Variants in CLASP1 observed in about 807,000 individuals in gnomAD.
CLASP1 encodes cytoplasmic linker associated protein 1.
Under a neutral mutation model 192.3 loss-of-function variants are expected in CLASP1, and 38 were observed. That is an observed-to-expected ratio of 0.20 (90% confidence interval 0.15 to 0.26). The LOEUF (loss-of-function observed/expected upper bound fraction) is 0.26, where lower values mean the gene tolerates loss of function less well. Ranked by LOEUF, CLASP1 falls within the 10% of genes least tolerant of loss-of-function variation. The pLI, the probability that CLASP1 is intolerant of heterozygous loss-of-function variation, is 1.00. For synonymous variants in CLASP1, 691 were observed against 712.8 expected, an observed-to-expected ratio of 0.97 and a Z score of 0.49; for missense variants, 1,433 against 1,932.5, an observed-to-expected ratio of 0.74 and a Z score of 4.85.
chr2:121,601,714 G>A (rs1038689771), intron 2 of CLASP1, among the ~76,000 whole-genome samples: 16 of 152,280 alleles, frequency 1.1e-4, no homozygotes, highest in Non-Finnish European at 1.9e-4. Context: ...AGGTAAAATT[G>A]TCTCTGTTTG....
At chr2:121,505,890 G>A (rs910620468) in intron 7 of CLASP1, among the ~76,000 whole-genome samples, 2 of 151,974 alleles carry the variant, frequency 1.3e-5, no homozygotes, top group Non-Finnish European at 2.9e-5. Context: ...TTTCCTGGAA[G>A]CAAATACTTA....
At chr2:121,488,209 T>C (rs1381797509) in intron 8 of CLASP1, among the ~76,000 whole-genome samples, 1 of 151,994 alleles carries the variant, frequency 6.6e-6, no homozygotes, top group Non-Finnish European at 1.5e-5. Flanking sequence ...TTTCTTAGAA[T>C]ACCTTTCCAT....
At chr2:121,438,473 G>C (rs550415909) in intron 19 of CLASP1, among the ~76,000 whole-genome samples, 1 of 152,282 alleles carries the variant, frequency 6.6e-6, no homozygotes, top group East Asian at 1.9e-4. Context: ...CCTTGTCAAT[G>C]CTGGCTTAAT....
intron 33 of CLASP1, among the ~76,000 whole-genome samples, chr2:121,381,320 C>G (rs1468235153): frequency 1.4e-4 from 21 of 150,600 alleles, no homozygotes; most frequent in Non-Finnish European, 4.4e-5. Context: ...TTTTTTTAAC[C>G]CTTTTCCTAT....
chr2:121,368,459 T>C lies in CLASP1; in HGVS notation c.3643-628A>G, dbSNP rs182343001. Among the ~76,000 whole-genome samples the C allele has an allele frequency of 4.3e-3, 649 of 152,238 alleles. 3 individuals carry two copies. The highest frequency in any genetic ancestry group is 0.015 in the African/African-American group (617 of 41,528). ...TAGTATTTCCCAAATTTTTTTTTTTTCCCTAGTATATTCTGAATGTTGTCT... is the reference window on the plus strand; with the variant it reads ...TAGTATTTCCCAAATTTTTTTTTTTCCCCTAGTATATTCTGAATGTTGTCT... On this transcript the variant is annotated intron_variant, in intron 34 of 39. Coordinates refer to ENST00000263710, the Ensembl canonical transcript of CLASP1.
chr2:121,476,462 T>A (rs1034434901), intron 8 of CLASP1, among the ~76,000 whole-genome samples: 1 of 152,188 alleles, frequency 6.6e-6, no homozygotes, highest in African/African-American at 2.4e-5. Flanking sequence ...AAGTCTGGTG[T>A]CTGGAACTTG....
At chr2:121,443,886 A>G (rs2083825752) in intron 19 of CLASP1, among the ~76,000 whole-genome samples, 1 of 152,224 alleles carries the variant, frequency 6.6e-6, no homozygotes, top group Non-Finnish European at 1.5e-5. Context: ...CTTGGAAAGT[A>G]ACATACGGAT....
At chr2:121,648,587 C>T (rs190114126) in intron 1 of CLASP1, among the ~76,000 whole-genome samples, 10 of 152,280 alleles carry the variant, frequency 6.6e-5, no homozygotes, top group African/African-American at 2.2e-4. Flanking sequence ...ATACTCATCC[C>T]AGCAGCTCGG....
At chr2:121,461,351 G>A (rs1180848290) in intron 10 of CLASP1, among the ~76,000 whole-genome samples, 158 bp from the exon 11 acceptor site, 1 of 152,028 alleles carries the variant, frequency 6.6e-6, no homozygotes, top group South Asian at 2.1e-4. Flanking sequence ...TCTATAATGA[G>A]GATCTTTCTC....
intron 1 of CLASP1, among the ~76,000 whole-genome samples, chr2:121,640,491 A>G (rs2106327777): frequency 6.6e-6 from 1 of 152,356 alleles, no homozygotes; most frequent in East Asian, 1.9e-4. Context: ...GTTAGATTTC[A>G]TATCAGGAGC....
At chr2:121,619,123 G>A (rs937807606) in intron 1 of CLASP1, among the ~76,000 whole-genome samples, 8 of 152,038 alleles carry the variant, frequency 5.3e-5, no homozygotes, top group African/African-American at 1.9e-4. Flanking sequence ...ATGTAATTAC[G>A]ACAAAATCCA....
chr2:121,372,344 G>A (rs771309799), intron 34 of CLASP1, among the ~76,000 whole-genome samples: 4 of 152,082 alleles, frequency 2.6e-5, no homozygotes, highest in East Asian at 1.9e-4. Context: ...CCTTAGTGTT[G>A]ATGCTCCTTA....
chr2:121,484,145 T>C (rs6743794), intron 8 of CLASP1, among the ~76,000 whole-genome samples: 38,280 of 152,196 alleles, frequency 0.25, 7,677 homozygotes, highest in African/African-American at 0.55. Flanking sequence ...ACAGGATATC[T>C]TTAAAGAGAT....
chr2:121,633,866 G>GC (rs1369567176), intron 1 of CLASP1, among the ~76,000 whole-genome samples: 1 of 152,062 alleles, frequency 6.6e-6, no homozygotes, highest in African/African-American at 2.4e-5. Context: ...AATTAGCCAG[G>GC]CGTGGTGGTG....
At chr2:121,368,511 G>A (rs941979774) in intron 34 of CLASP1, among the ~76,000 whole-genome samples, 2 of 151,596 alleles carry the variant, frequency 1.3e-5, no homozygotes, top group African/African-American at 4.9e-5. Flanking sequence ...CTGGCCCTCT[G>A]ACTGGGCCCT....
chr2:121,447,874 G>GA, intron 18 of CLASP1, among the ~76,000 whole-genome samples: 1 of 152,224 alleles, frequency 6.6e-6, no homozygotes, highest in Non-Finnish European at 1.5e-5. Context: ...CTCTTACCTA[G>GA]AGCCCTCCTC....
intron 33 of CLASP1, among the ~76,000 whole-genome samples, chr2:121,380,034 C>G (rs1429621617): frequency 6.6e-6 from 1 of 152,196 alleles, no homozygotes; most frequent in Non-Finnish European, 1.5e-5. Context: ...TGGTATGAAG[C>G]TATAACTGTG....
At chr2:121,530,276 T>G (rs1235421977) in exon 3 of CLASP1, 1 of 1,552,370 alleles carries the variant, frequency 6.4e-7, no homozygotes, top group South Asian at 1.2e-5. Context: ...GAACCGATCC[T>G]GCAGCCGGGT....
intron 26 of CLASP1, chr2:121,403,544 C>A: frequency 2.2e-6 from 1 of 454,494 alleles, no homozygotes; most frequent in Middle Eastern, 3.3e-4. Flanking sequence ...GTTGATCCTG[C>A]ATGTCAGCAT....
Sources: allele counts gnomAD v4.1 joint callset (sites outside exome capture counted in the v4.1 genomes callset), GRCh38; gene constraint gnomAD v4.1.1; transcripts MANE v1.5; gene names NCBI Gene and HGNC (gene_info 2026-07-23, HGNC 2026-07-21).